The following ACER1 variants were observed in gnomAD, a reference collection of about 807,000 sequenced individuals.
The protein encoded by ACER1 is CTB-180A7.3.
A neutral mutation model predicts 24.9 loss-of-function variants in ACER1; 28 were observed. The observed-to-expected ratio is 1.13, with a 90% CI of 0.83 to 1.54. The LOEUF is 1.54. ACER1 is among the 40% of genes most tolerant of loss of function. ACER1 has a pLI of 0.00. For synonymous variants in ACER1, 132 were observed against 131.4 expected, an observed-to-expected ratio of 1.00 and a Z score of -0.03; for missense variants, 352 against 349.3, an observed-to-expected ratio of 1.01 and a Z score of -0.06.
At chr19:6,314,061 G>A (rs58077986) in intron 1 of ACER1, among the ~76,000 whole-genome samples, 2,027 of 152,026 alleles carry the variant, frequency 0.013, 37 homozygotes, top group African/African-American at 0.046. Context: ...GAGGTCAGGC[G>A]TTCAAGGCCA....
the ACER1 span, among the ~76,000 whole-genome samples, chr19:6,350,182 A>G: frequency 2.0e-5 from 3 of 150,406 alleles, no homozygotes; most frequent in Non-Finnish European, 4.4e-5. Context: ...GAGGGGAGGG[A>G]AGGGTCCGGG....
Position 6,309,746 on chromosome 19 carries a change from T to C in ACER1, c.439A>G (p.Asn147Asp), listed in dbSNP as rs1257879315. ...TAGAGAATGTGCAGGGCAATGCTGT[T>C]GAGGGCGTAGGCGTTGACCGTGGGC... The part of the protein sequence containing the change: ...LRPTVNAYAL[N>D]SIALHILYIV... The change falls in exon 4 of 6, where the codon AAC becomes GAC. Residue 147 changes from asparagine (N) to aspartate (D), a missense_variant. Transcript: ENST00000301452. 3 of 1,613,900 alleles carry C rather than the reference T, an allele frequency of 1.9e-6. No individual in the cohort carries two copies. The highest frequency in any genetic ancestry group is 3.3e-5 in the Admixed American group (2 of 59,968).
At chr19:6,328,332 A>T (rs147106419) in intron 1 of ACER1, among the ~76,000 whole-genome samples, 1,607 of 151,702 alleles carry the variant, frequency 0.011, 32 homozygotes, top group African/African-American at 0.036. Context: ...CTCTACTAAA[A>T]ATACAAAAAT....
chr19:6,315,845 T>A (rs557810399), intron 1 of ACER1, among the ~76,000 whole-genome samples: 2 of 152,190 alleles, frequency 1.3e-5, no homozygotes, highest in East Asian at 3.9e-4. Context: ...AAAAAAAGAA[T>A]GAGCCCAGGT....
chr19:6,311,775 G>A (rs557300022), intron 3 of ACER1, among the ~76,000 whole-genome samples: 2 of 151,084 alleles, frequency 1.3e-5, no homozygotes, highest in Non-Finnish European at 1.5e-5. Context: ...GACCCAGGGG[G>A]TCTAAGCAGA....
At chr19:6,341,942 T>C in the ACER1 span, among the ~76,000 whole-genome samples, 2 of 152,228 alleles carry the variant, frequency 1.3e-5, no homozygotes, top group Non-Finnish European at 2.9e-5. Flanking sequence ...TTGGTTTTAA[T>C]ACTTGCTTTC....
intron 5 of ACER1, 35 bp downstream of exon 5, chr19:6,307,118 T>C (rs770707530): frequency 2.5e-6 from 4 of 1,610,760 alleles, no homozygotes; most frequent in South Asian, 1.1e-5. Context: ...ATTCTCTGAC[T>C]CTGGGCCCCC....
At chr19:6,322,947 C>T (rs1412811956) in intron 1 of ACER1, among the ~76,000 whole-genome samples, 3 of 151,932 alleles carry the variant, frequency 2.0e-5, no homozygotes, top group East Asian at 1.9e-4. Context: ...CCCATCTCTA[C>T]TGAAAATACA....
rs1041255119 is a variant in ACER1, at chr19:6,312,186, G to A, written c.313C>T (p.Pro105Ser). The change falls in exon 3 of 6, where the codon CCC becomes TCC. Residue 105 changes from proline to serine, a missense_variant. Pro to Ser is a moderately conservative substitution (Grantham distance 74). Transcript: ENST00000301452. The stretch of plus-strand genomic sequence containing the variant: ...AGGAAGGAGGGGAAATAGCAGCGGG[G>A]CATCCATATGCTATAGCCACTGCCC... The part of the protein sequence containing the change: ...LLGSGYSIWM[P>S]RCYFPSFLGG... 1.9e-6 allele frequency: 3 copies of A among 1,613,752 alleles called. No individual in the cohort carries two copies. The highest frequency in any genetic ancestry group is 1.7e-5 in the Admixed American group (1 of 59,988).
Position 6,312,542 on chromosome 19 carries a change from G to A in ACER1, c.94-43C>T, listed in dbSNP as rs371943752. 4.6e-4 allele frequency: 690 copies of A among 1,498,976 alleles called. 7 individuals are homozygous for A. The South Asian group carries it at 5.3e-3, about 12-fold the overall frequency. The allele number at this position is 1,498,976 out of a possible 1,614,324, so 92.9% of individuals were successfully genotyped here. On this transcript the variant is annotated intron_variant, in intron 1 of 5. Transcript: ENST00000301452. Reference sequence around the variant, plus strand: ...ATAGGGAGGAGCTCGTCAGATAGGGGAGACGGAGGAGGCTGCCCTCTGTCC... The same window carrying A: ...ATAGGGAGGAGCTCGTCAGATAGGGAAGACGGAGGAGGCTGCCCTCTGTCC...
intron 1 of ACER1, among the ~76,000 whole-genome samples, chr19:6,331,748 C>T (rs142376250): frequency 1.3e-5 from 2 of 151,362 alleles, no homozygotes; most frequent in Non-Finnish European, 2.9e-5. Context: ...GAGCCGAGAT[C>T]GCGCCATTAC....
intron 1 of ACER1, among the ~76,000 whole-genome samples, chr19:6,315,289 G>A (rs1040813346): frequency 5.3e-5 from 8 of 151,818 alleles, no homozygotes; most frequent in Non-Finnish European, 7.4e-5. Flanking sequence ...CTGCAGCTTC[G>A]ACATCCCAGG....
At chr19:6,354,337 G>T in the ACER1 span, among the ~76,000 whole-genome samples, 1 of 151,826 alleles carries the variant, frequency 6.6e-6, no homozygotes, top group Non-Finnish European at 1.5e-5. Flanking sequence ...TGGGGGTAGG[G>T]GTGGGGGTGC....
the ACER1 span, among the ~76,000 whole-genome samples, chr19:6,356,557 C>T: frequency 1.3e-5 from 2 of 152,032 alleles, no homozygotes; most frequent in African/African-American, 4.8e-5. Flanking sequence ...CAACCAACAC[C>T]GTTAAAGCCC....
At position 6,309,742 on chromosome 19, in the gene ACER1, C is replaced by T; in HGVS notation, c.443G>A (p.Ser148Asn). 6.2e-7 allele frequency: 1 copy of T among 1,614,072 alleles called. No homozygotes were observed. Reference sequence around the variant, plus strand: ...GATGTAGAGAATGTGCAGGGCAATGCTGTTGAGGGCGTAGGCGTTGACCGT... The same window carrying T: ...GATGTAGAGAATGTGCAGGGCAATGTTGTTGAGGGCGTAGGCGTTGACCGT... ...RPTVNAYALNSIALHILYIVC... is the reference protein window; with the variant it reads ...RPTVNAYALNNIALHILYIVC... Residue 148 changes from serine to asparagine, a missense_variant, in exon 4 of 6, where the codon AGC becomes AAC. By Grantham distance (46) the Ser-to-Asn change is conservative. Transcript: ENST00000301452.
chr19:6,311,610 GAGA>G (rs1442586907), intron 3 of ACER1, among the ~76,000 whole-genome samples: 4 of 149,842 alleles, frequency 2.7e-5, no homozygotes, highest in African/African-American at 9.8e-5. Context: ...GAAGAAGAAG[GAGA>G]AGGAGAAGGA....
Position 6,333,482 on chromosome 19 carries a change from G to A in ACER1, c.70C>T (p.Leu24=). 1 of 1,591,430 alleles carries A rather than the reference G, an allele frequency of 6.3e-7. No homozygotes were observed. The highest frequency in any genetic ancestry group is 1.1e-5 in the South Asian group (1 of 87,688). ...ACCGTGTTGTAGAACTCGGCCACCA[G>A]CTCCGAGTACTGGAAGTTGCTCTCA... is the stretch of plus-strand genomic sequence containing the variant. The part of the protein sequence containing the change: ...WCESNFQYSE[L]VAEFYNTFSN... The change falls in exon 1 of 6, where the codon CTG becomes TTG. Residue 24 remains leucine (L), a synonymous_variant. Coordinates refer to ENST00000301452, the MANE Select transcript of ACER1 (RefSeq NM_133492.3).
intron 1 of ACER1, among the ~76,000 whole-genome samples, chr19:6,328,941 C>T (rs2091674755): frequency 6.6e-6 from 1 of 151,796 alleles, no homozygotes; most frequent in Non-Finnish European, 1.5e-5. Context: ...TTCCAAAGTG[C>T]TGGGATTACA....
the ACER1 span, among the ~76,000 whole-genome samples, chr19:6,353,007 T>C: frequency 1.3e-5 from 2 of 152,054 alleles, no homozygotes; most frequent in Non-Finnish European, 2.9e-5. Flanking sequence ...TGAGCAAGGT[T>C]TGGAGGAATG....
Sources: gnomAD v4.1 joint callset for allele counts (sites outside exome capture counted in the v4.1 genomes callset) on GRCh38, gnomAD v4.1.1 for gene constraint, MANE v1.5 for transcripts, NCBI Gene and HGNC (gene_info 2026-07-23, HGNC 2026-07-21) for gene names.